The following GRIN2A variants were observed in gnomAD, a reference collection of about 807,000 sequenced individuals.
GRIN2A encodes glutamate receptor ionotropic, NMDA 2A.
Under a neutral mutation model 113.4 loss-of-function variants are expected in GRIN2A, and 22 were observed. The ratio of observed to expected loss-of-function variants is 0.19; its 90% CI spans 0.14 to 0.28. GRIN2A has a LOEUF of 0.28. GRIN2A is among the 10% of genes least tolerant of loss of function. GRIN2A has a pLI of 1.00. For missense variants in GRIN2A, 1,502 were observed against 1,887.0 expected (o/e 0.80, Z 3.78); for synonymous variants, 827 against 738.4 (o/e 1.12, Z -1.94).
intron 2 of GRIN2A, among the ~76,000 whole-genome samples, chr16:10,157,616 A>G (rs1470935124): frequency 6.6e-6 from 1 of 152,082 alleles, no homozygotes; most frequent in African/African-American, 2.4e-5. Context: ...GAGTGTGAGC[A>G]TGCAGGAAAG....
In GRIN2A at chr16:9,763,449, G is replaced by C. The variant is rs2141126703; in HGVS notation, c.4095C>G (p.Asn1365Lys). The C allele has an allele frequency of 6.2e-7, 1 of 1,613,994 alleles. No homozygotes were observed. Among genetic ancestry groups the C allele is most frequent in the Non-Finnish European group, 8.5e-7 (1 of 1,179,886 alleles). The part of the protein sequence containing the change: ...KSLLPDHTSD[N>K]PFLHSHRDDQ... ...CATCCCTGTGGGAGTGGAGGAAAGG[G>C]TTATCGGAGGTGTGGTCTGGCAAGA... Residue 1365 changes from asparagine to lysine, a missense_variant, in exon 13 of 13, where the codon AAC becomes AAG. By Grantham distance (94) the Asn-to-Lys change is moderately conservative. Coordinates refer to ENST00000330684, the MANE Select transcript of GRIN2A (RefSeq NM_001134407.3).
At chr16:9,784,245 CA>C (rs1474723843) in intron 11 of GRIN2A, among the ~76,000 whole-genome samples, 1 of 152,080 alleles carries the variant, frequency 6.6e-6, no homozygotes, top group African/African-American at 2.4e-5. Flanking sequence ...GCCTGGCCAA[CA>C]TGGCAAAACC....
intron 2 of GRIN2A, among the ~76,000 whole-genome samples, chr16:10,144,291 G>A (rs1282077576): frequency 6.6e-6 from 1 of 152,158 alleles, no homozygotes; most frequent in Non-Finnish European, 1.5e-5. Flanking sequence ...GGGTTCCAAT[G>A]TCCCCACATC....
At chr16:10,175,617 C>T (rs755982102) in intron 2 of GRIN2A, among the ~76,000 whole-genome samples, 1 of 152,144 alleles carries the variant, frequency 6.6e-6, no homozygotes, top group Non-Finnish European at 1.5e-5. Context: ...GTCAAATACA[C>T]ATATACAGAT....
intron 4 of GRIN2A, among the ~76,000 whole-genome samples, chr16:9,885,290 T>C (rs2043566366): frequency 1.3e-5 from 2 of 152,256 alleles, no homozygotes; most frequent in Non-Finnish European, 2.9e-5. Context: ...TTTGAGGCTG[T>C]AGGGTCTTCT....
intron 2 of GRIN2A, among the ~76,000 whole-genome samples, chr16:10,087,534 TA>T (rs2048106814): frequency 6.6e-6 from 1 of 152,230 alleles, no homozygotes; most frequent in Non-Finnish European, 1.5e-5. Context: ...ACTAACCTCA[TA>T]TAACTGGAAC....
chr16:9,882,727 T>C (rs985535153), intron 4 of GRIN2A, among the ~76,000 whole-genome samples: 7 of 152,106 alleles, frequency 4.6e-5, no homozygotes, highest in African/African-American at 9.7e-5. Flanking sequence ...TTTGAGGCTG[T>C]AGTGGGATAT....
chr16:9,800,676 A>G (rs962625190), intron 10 of GRIN2A, among the ~76,000 whole-genome samples: 4 of 152,182 alleles, frequency 2.6e-5, no homozygotes, highest in African/African-American at 9.6e-5. Flanking sequence ...TGAAGCTTTG[A>G]TCTCAAGGTA....
intron 2 of GRIN2A, among the ~76,000 whole-genome samples, chr16:10,053,795 C>G (rs952497369): frequency 6.6e-6 from 1 of 151,904 alleles, no homozygotes; most frequent in South Asian, 2.1e-4. Context: ...TACTTTTGCA[C>G]CAATCTAATA....
At chr16:9,985,209 A>G (rs2045958363) in intron 2 of GRIN2A, among the ~76,000 whole-genome samples, 2 of 152,170 alleles carry the variant, frequency 1.3e-5, no homozygotes, top group Non-Finnish European at 2.9e-5. Flanking sequence ...AACAAACCTA[A>G]TGATGTTATT....
chr16:10,095,951 C>A (rs1452170011), intron 2 of GRIN2A, among the ~76,000 whole-genome samples: 1 of 152,168 alleles, frequency 6.6e-6, no homozygotes, highest in South Asian at 2.1e-4. Context: ...GTTCTTTCTA[C>A]TATTCTTTCA....
At position 9,957,742 on chromosome 16, in the gene GRIN2A, G is replaced by A. The variant is rs2045339460; in HGVS notation, c.415-19191C>T. 2.6e-5 allele frequency among the ~76,000 whole-genome samples: 4 copies of A among 152,250 alleles called. 1 individual carries two copies. Among genetic ancestry groups the A allele is most frequent in the South Asian group, 4.1e-4 (2 of 4,820 alleles). On this transcript the variant is annotated intron_variant, in intron 2 of 12. Coordinates refer to ENST00000330684, the MANE Select transcript of GRIN2A (RefSeq NM_001134407.3). ...TCCTTAATTGGGAAATTTAACAACC[G>A]AAAGATGCCCCTCGATGACTCTGAA...
At chr16:10,018,024 C>G (rs886250696) in intron 2 of GRIN2A, among the ~76,000 whole-genome samples, 1 of 152,260 alleles carries the variant, frequency 6.6e-6, no homozygotes, top group Admixed American at 6.5e-5. Context: ...ATTTTGCATC[C>G]AAGGAGGGAT....
At chr16:10,131,068 T>C (rs1310269880) in intron 2 of GRIN2A, among the ~76,000 whole-genome samples, 2 of 152,146 alleles carry the variant, frequency 1.3e-5, no homozygotes, top group Non-Finnish European at 2.9e-5. Flanking sequence ...ACTTAAAAAA[T>C]TCAAGGCACA....
At chr16:9,968,144 A>T (rs544656756) in intron 2 of GRIN2A, among the ~76,000 whole-genome samples, 120 of 152,200 alleles carry the variant, frequency 7.9e-4, no homozygotes, top group African/African-American at 2.8e-3. Flanking sequence ...TTGAAAATAG[A>T]TACAAGTTAA....
intron 2 of GRIN2A, among the ~76,000 whole-genome samples, chr16:10,022,648 G>A (rs1038947880): frequency 6.6e-6 from 1 of 152,168 alleles, no homozygotes; most frequent in Non-Finnish European, 1.5e-5. Context: ...TCTCCAGTCT[G>A]AACACTTAGC....
At chr16:9,957,573 G>A (rs1311369429) in intron 2 of GRIN2A, among the ~76,000 whole-genome samples, 2 of 152,116 alleles carry the variant, frequency 1.3e-5, no homozygotes, top group Admixed American at 6.6e-5. Context: ...CCAGAGTAGT[G>A]GAAATAAAGC....
In GRIN2A at chr16:10,026,011, C is replaced by A. The variant is rs546252046; in HGVS notation, c.415-87460G>T. 2.0e-5 allele frequency among the ~76,000 whole-genome samples: 3 copies of A among 152,330 alleles called. No individual in the cohort carries two copies. The East Asian group carries it at 5.8e-4, about 29-fold the overall frequency. ...CTCAAGGCAGCCTCTTTGACTCACA[C>A]AATACTGTCTGGCTACATCATCACT... On this transcript the variant is annotated intron_variant, in intron 2 of 12. Transcript: ENST00000330684.
In GRIN2A at chr16:9,890,971, C is replaced by T. The variant is rs770481323; in HGVS notation, c.1122+15G>A. 2.6e-6 allele frequency: 4 copies of T among 1,511,828 alleles called. No individual in the cohort carries two copies. The African/African-American group carries it at 4.1e-5, about 16-fold the overall frequency. 93.7% of individuals were successfully genotyped at this position (1,511,828 alleles called of 1,614,324 possible). A position where few individuals can be genotyped will look rare whatever the true frequency, so the allele number is the denominator to read the frequency against. On this transcript the variant is annotated intron_variant, in intron 4 of 12. Transcript: ENST00000330684. The stretch of plus-strand genomic sequence containing the variant: ...TCTTCCCTCCCCTGCATTCAGCACA[C>T]AGAAGGATGCTCACCTTTTCCCATT...
Sources: allele counts gnomAD v4.1 joint callset (sites outside exome capture counted in the v4.1 genomes callset), GRCh38; gene constraint gnomAD v4.1.1; transcripts MANE v1.5; gene names NCBI Gene and HGNC (gene_info 2026-07-23, HGNC 2026-07-21).